The following MPP4 variants were observed in gnomAD, a reference collection of about 807,000 sequenced individuals.
MPP4 encodes the protein MAGUK p55 scaffold protein 4.
A neutral mutation model predicts 98.3 loss-of-function variants in MPP4; 91 were observed. That is an observed-to-expected ratio of 0.93 (90% CI 0.78 to 1.10). The LOEUF (loss-of-function observed/expected upper bound fraction) is 1.10, where lower values mean the gene tolerates loss of function less well. MPP4 is among the 50% of genes least tolerant of loss of function. MPP4 has a pLI of 0.00. For synonymous variants in MPP4, 261 were observed against 271.8 expected (o/e 0.96, Z 0.39); for missense variants, 744 against 792.9 (o/e 0.94, Z 0.74).
At chr2:201,694,185 A>C (rs1448754523) in intron 1 of MPP4, 131 bp from the exon 2 acceptor site, 1 of 820,138 alleles carries the variant, frequency 1.2e-6, no homozygotes, top group Non-Finnish European at 1.8e-6. Context: ...CGTGAAAGAG[A>C]AAACGACTAT....
chr2:201,656,248 A>G lies in MPP4; in HGVS notation c.1250T>C (p.Val417Ala). ...SAVGAPYEEV[V>A]RYQRRPSDKY... ...GTCTGAAGGGCGTCGCTGGTACCTC[A>G]CCACCTCCTCGTAAGGGGCACCCAC... Residue 417 changes from valine to alanine, a missense_variant, in exon 17 of 22, where the codon GTG becomes GCG. By Grantham distance (64) the Val-to-Ala change is moderately conservative (BLOSUM62 0). Transcript: ENST00000409474. 6.2e-7 allele frequency: 1 copy of G among 1,603,206 alleles called. No homozygotes were observed. Among genetic ancestry groups the G allele is most frequent in the South Asian group, 1.1e-5 (1 of 88,404 alleles).
chr2:201,652,710 G>A (rs1012021308), intron 18 of MPP4, among the ~76,000 whole-genome samples: 3 of 152,184 alleles, frequency 2.0e-5, no homozygotes, highest in Non-Finnish European at 4.4e-5. Context: ...AGCCAGACGA[G>A]AGCCAGACGA....
intron 13 of MPP4, chr2:201,664,418 G>A: frequency 8.1e-7 from 1 of 1,233,816 alleles, no homozygotes; most frequent in Non-Finnish European, 1.1e-6. Flanking sequence ...TGGAATGTCA[G>A]GGAAATCCCT....
At chr2:201,662,500 CAAAA>C (rs57262157) in intron 14 of MPP4, among the ~76,000 whole-genome samples, 3 of 75,294 alleles carry the variant, frequency 4.0e-5, no homozygotes, top group Non-Finnish European at 7.4e-5. Context: ...GACTCTGTCT[CAAAA>C]AAAAAAAAAA....
chr2:201,694,608 CTTTTTTTT>C (rs777556505), intron 1 of MPP4, among the ~76,000 whole-genome samples: 75 of 78,906 alleles, frequency 9.5e-4, no homozygotes, highest in Non-Finnish European at 1.4e-3. Context: ...TTCTTTTTCC[CTTTTTTTT>C]TTTTTTTTTT....
At chr2:201,664,256 T>C in intron 13 of MPP4, 155 bp from the exon 14 acceptor site, 3 of 1,487,776 alleles carry the variant, frequency 2.0e-6, no homozygotes, top group Middle Eastern at 1.8e-4. Flanking sequence ...CGATGGTGTC[T>C]CTATGGCATA....
intron 5 of MPP4, among the ~76,000 whole-genome samples, 195 bp from the exon 6 acceptor site, chr2:201,686,245 T>C (rs971331966): frequency 2.2e-4 from 33 of 152,214 alleles, no homozygotes; most frequent in Non-Finnish European, 4.4e-5. Flanking sequence ...ACATTAATTG[T>C]CCTCAATTTG....
intron 12 of MPP4, among the ~76,000 whole-genome samples, chr2:201,669,113 TGTGTGTGTGA>T (rs1401438351): frequency 6.3e-4 from 59 of 92,994 alleles, no homozygotes; most frequent in Non-Finnish European, 1.1e-3. Context: ...TGTGTGTGTG[TGTGTGTGTGA>T]GAGAGAGAGA....
At chr2:201,697,457 G>C (rs375560019) in intron 1 of MPP4, among the ~76,000 whole-genome samples, 19 of 152,192 alleles carry the variant, frequency 1.2e-4, no homozygotes, top group Admixed American at 1.0e-3. Context: ...GTCTGCAGAG[G>C]GCCTGGGGAG....
intron 18 of MPP4, among the ~76,000 whole-genome samples, chr2:201,654,192 TC>T (rs1036336964): frequency 2.0e-5 from 3 of 152,112 alleles, no homozygotes; most frequent in Non-Finnish European, 1.5e-5. Context: ...GCCAAGCTGG[TC>T]TTGAACTCCT....
At chr2:201,666,418 T>C in intron 12 of MPP4, 46 bp from the exon 13 acceptor site, 2 of 1,448,182 alleles carry the variant, frequency 1.4e-6, no homozygotes, top group Non-Finnish European at 1.9e-6. Flanking sequence ...AAAATGTGTC[T>C]GCATTAAAAA....
chr2:201,697,774 G>C (rs1013297216), intron 1 of MPP4, among the ~76,000 whole-genome samples: 11 of 152,216 alleles, frequency 7.2e-5, no homozygotes, highest in African/African-American at 2.7e-4. Context: ...GGATCTTAGA[G>C]ATAATCAAAT....
At chr2:201,661,559 G>T (rs563497020) in intron 14 of MPP4, 2 of 456,450 alleles carry the variant, frequency 4.4e-6, no homozygotes, top group East Asian at 1.4e-4. Context: ...ACCTCCCTCT[G>T]CAGTGCTGTT....
At chr2:201,671,314 C>G (rs1261934152) in intron 11 of MPP4, among the ~76,000 whole-genome samples, 1 of 152,202 alleles carries the variant, frequency 6.6e-6, no homozygotes, top group Non-Finnish European at 1.5e-5. Context: ...CTAAGATCCA[C>G]TGGCTTGAAA....
chr2:201,650,111 A>G lies in MPP4; in HGVS notation c.1436T>C (p.Val479Ala), dbSNP rs757075009. The change falls in exon 19 of 22, where the codon GTG becomes GCG. Residue 479 changes from valine to alanine, a missense_variant. Val to Ala is a moderately conservative substitution (Grantham distance 64). Transcript: ENST00000409474. The stretch of plus-strand genomic sequence containing the variant: ...GAGGTTTTCAAATGTTTCCTTGGAC[A>G]CATAGTGATACTCACGCCCATTCAT... ...YEMNGREYHY[V>A]SKETFENLIY... The G allele has an allele frequency of 5.1e-6, 8 of 1,581,168 alleles. No homozygotes were observed. In the South Asian group the frequency reaches 9.3e-5, roughly 18 times the overall value.
intron 1 of MPP4, chr2:201,698,140 G>T (rs1196397165): frequency 2.5e-6 from 2 of 784,850 alleles, no homozygotes; most frequent in South Asian, 6.0e-5. Flanking sequence ...CCTAAATCTT[G>T]TTTTAAAAGT....
intron 12 of MPP4, among the ~76,000 whole-genome samples, chr2:201,669,061 C>T (rs145385490): frequency 0.011 from 1,739 of 151,440 alleles, 13 homozygotes; most frequent in Middle Eastern, 0.031. Flanking sequence ...CTTTTTTCCT[C>T]TTTCTGGAAG....
At chr2:201,681,603 G>A in intron 8 of MPP4, 36 bp from the exon 9 acceptor site, 1 of 1,551,944 alleles carries the variant, frequency 6.4e-7, no homozygotes. Context: ...TGACAATCAT[G>A]GAGCTAGCAG....
intron 21 of MPP4, chr2:201,646,713 C>A (rs1423448351): frequency 6.6e-6 from 1 of 152,166 alleles, no homozygotes; most frequent in Non-Finnish European, 1.5e-5. Context: ...TTTAAAGATA[C>A]CTGTGCTTGC....
Sources: allele counts gnomAD v4.1 joint callset (sites outside exome capture counted in the v4.1 genomes callset), GRCh38; gene constraint gnomAD v4.1.1; transcripts MANE v1.5; gene names NCBI Gene and HGNC (gene_info 2026-07-23, HGNC 2026-07-21).